Variants in WLS observed in about 807,000 individuals in gnomAD.
WLS encodes protein wntless homolog.
Under a neutral mutation model 62.8 loss-of-function variants are expected in WLS, and 23 were observed. That is an observed-to-expected ratio of 0.37 (90% CI 0.26 to 0.52). The LOEUF is 0.52. Ranked by LOEUF, WLS falls within the 20% of genes least tolerant of loss-of-function variation. The pLI, the probability that WLS is intolerant of heterozygous loss-of-function variation, is 0.92. For missense variants in WLS, 615 were observed against 697.3 expected, an observed-to-expected ratio of 0.88 and a Z score of 1.33; for synonymous variants, 246 against 244.1, an observed-to-expected ratio of 1.01 and a Z score of -0.07.
intron 2 of WLS, among the ~76,000 whole-genome samples, chr1:68,180,259 T>C (rs1344661259): frequency 2.0e-5 from 3 of 151,956 alleles, no homozygotes; most frequent in Non-Finnish European, 4.4e-5. Flanking sequence ...CTATTAGAAC[T>C]CTTTTCCATG....
At chr1:68,162,719 T>C (rs1225734856) in intron 2 of WLS, 6 of 1,184,246 alleles carry the variant, frequency 5.1e-6, no homozygotes, top group Non-Finnish European at 6.3e-6. Context: ...GACGGGATAT[T>C]GCACACAGCA....
At chr1:68,167,628 G>A (rs979631225) in intron 2 of WLS, among the ~76,000 whole-genome samples, 1 of 152,188 alleles carries the variant, frequency 6.6e-6, no homozygotes, top group Non-Finnish European at 1.5e-5. Context: ...GGGTACAGTT[G>A]TAAGGTATCA....
chr1:68,207,766 T>A (rs749067796), intron 1 of WLS, among the ~76,000 whole-genome samples: 1 of 152,364 alleles, frequency 6.6e-6, no homozygotes, highest in Non-Finnish European at 1.5e-5. Flanking sequence ...TTTGTAAAAG[T>A]GTACTAAAAG....
chr1:68,191,401 C>A (rs1025543498), intron 2 of WLS, among the ~76,000 whole-genome samples: 9 of 152,180 alleles, frequency 5.9e-5, no homozygotes, highest in African/African-American at 2.4e-5. Context: ...AAACCCAAAC[C>A]TGCAGGTTTC....
intron 1 of WLS, among the ~76,000 whole-genome samples, chr1:68,218,418 T>A (rs1649820153): frequency 6.6e-6 from 1 of 152,188 alleles, no homozygotes; most frequent in Non-Finnish European, 1.5e-5. Flanking sequence ...TCTGAACCAG[T>A]ACAACTAGGT....
chr1:68,160,019 ATTAATT>A (rs1365857311), intron 2 of WLS, among the ~76,000 whole-genome samples: 2 of 146,382 alleles, frequency 1.4e-5, no homozygotes, highest in Non-Finnish European at 3.0e-5. Flanking sequence ...CATTGCACCT[ATTAATT>A]TTGTCTGTTT....
At chr1:68,130,449 TC>T (rs1236820714) in intron 11 of WLS, among the ~76,000 whole-genome samples, 1 of 152,182 alleles carries the variant, frequency 6.6e-6, no homozygotes, top group Non-Finnish European at 1.5e-5. Context: ...ACCATCTGTG[TC>T]TACCTCCAAA....
chr1:68,142,489 G>A (rs1397888036), intron 10 of WLS: 2 of 152,248 alleles, frequency 1.3e-5, no homozygotes, highest in Admixed American at 1.3e-4. Flanking sequence ...GTCATAGGAG[G>A]GAATAGCCAC....
At chr1:68,165,375 T>C (rs544674268) in intron 2 of WLS, among the ~76,000 whole-genome samples, 2 of 152,198 alleles carry the variant, frequency 1.3e-5, no homozygotes, top group East Asian at 3.9e-4. Flanking sequence ...GTGAAGGGGA[T>C]ATATATACCC....
chr1:68,147,219 T>A (rs1342518983), intron 8 of WLS, among the ~76,000 whole-genome samples: 1 of 152,178 alleles, frequency 6.6e-6, no homozygotes, highest in East Asian at 1.9e-4. Flanking sequence ...ACTCACTCCA[T>A]CCTATCTACA....
rs759763546 is a variant in WLS, at chr1:68,155,264, GAA to G, written c.505-6_505-5del. 4.6e-5 allele frequency: 74 copies of G among 1,606,690 alleles called. No homozygotes were observed. In the African/African-American group the frequency reaches 9.1e-4, roughly 20 times the overall value. On this transcript the variant is annotated splice_region_variant and splice_polypyrimidine_tract_variant and intron_variant, in intron 3 of 11. Transcript: ENST00000262348. ...AACGGCCCTCATGCTCTGGAGTCTG[GAA>G]AAAGAGCAGAGGGTTTGAGGCAGGG...
At chr1:68,109,395 C>G (rs746802822) in intron 11 of WLS, among the ~76,000 whole-genome samples, 21 of 151,968 alleles carry the variant, frequency 1.4e-4, no homozygotes, top group Non-Finnish European at 2.2e-4. Context: ...CACAAGAAAG[C>G]AAACCACTAT....
chr1:68,185,622 CT>C (rs1308153086), intron 2 of WLS, among the ~76,000 whole-genome samples: 36 of 152,262 alleles, frequency 2.4e-4, no homozygotes, highest in African/African-American at 8.4e-4. Context: ...AATCTAATGC[CT>C]GATGATCTGA....
downstream of WLS, among the ~76,000 whole-genome samples, chr1:68,122,459 C>T (rs1393289028): frequency 6.6e-6 from 1 of 152,226 alleles, no homozygotes; most frequent in Non-Finnish European, 1.5e-5. Flanking sequence ...AGGAACAATA[C>T]ATAGTGAAAA....
Position 68,148,019 on chromosome 1 carries a change from G to C in WLS, c.1134+117C>G, listed in dbSNP as rs1646774687. The C allele has an allele frequency of 9.3e-6, 10 of 1,070,954 alleles. No homozygotes were observed. The South Asian group carries it at 1.2e-4, about 13-fold the overall frequency. 66.3% of individuals were successfully genotyped at this position (1,070,954 alleles called of 1,614,324 possible). ...AATTGTGCTGTTATGATTGGCCTGA[G>C]AATCAAAGCCCTGGCTGAGTACATA... On this transcript the variant is annotated intron_variant, in intron 8 of 11. Coordinates refer to ENST00000262348, the MANE Select transcript of WLS (RefSeq NM_024911.7).
At chr1:68,159,029 C>G (rs997558411) in intron 3 of WLS, 94 bp downstream of exon 3, 167 of 1,517,306 alleles carry the variant, frequency 1.1e-4, no homozygotes, top group Non-Finnish European at 1.5e-4. Context: ...TGTCCTCATG[C>G]GAAGAAGGGA....
At chr1:68,212,349 CT>C (rs1378399235) in intron 1 of WLS, among the ~76,000 whole-genome samples, 1 of 152,184 alleles carries the variant, frequency 6.6e-6, no homozygotes, top group African/African-American at 2.4e-5. Context: ...ACTTGTAAAC[CT>C]TCTGGTCAAT....
At chr1:68,231,540 C>T in intron 1 of WLS, 2 of 313,632 alleles carry the variant, frequency 6.4e-6, no homozygotes, top group Non-Finnish European at 1.3e-5. Context: ...CAAGGACTCC[C>T]TCCCACCCCA....
At chr1:68,127,036 T>A (rs878917215) in intron 11 of WLS, 53 of 353,864 alleles carry the variant, frequency 1.5e-4, no homozygotes, top group East Asian at 2.1e-4. Flanking sequence ...AAAAAAAAAA[T>A]TTGTTTTAAT....
Sources: gnomAD v4.1 joint callset for allele counts (sites outside exome capture counted in the v4.1 genomes callset) on GRCh38, gnomAD v4.1.1 for gene constraint, MANE v1.5 for transcripts, NCBI Gene and HGNC (gene_info 2026-07-23, HGNC 2026-07-21) for gene names.